The following EHD1 variants were observed in gnomAD, a reference collection of about 807,000 sequenced individuals.
EHD1 encodes the protein EH domain containing 1, also known as EH domain-containing protein 1.
Under a neutral mutation model 39.0 loss-of-function variants are expected in EHD1, and 19 were observed. The ratio of observed to expected loss-of-function variants is 0.49; its 90% confidence interval spans 0.34 to 0.72. EHD1 has a LOEUF of 0.72. EHD1 is among the 30% of genes least tolerant of loss of function. The pLI, the probability that EHD1 is intolerant of heterozygous loss-of-function variation, is 0.01. For synonymous variants in EHD1, 323 were observed against 331.2 expected (o/e 0.98, Z 0.27); for missense variants, 542 against 751.5 (o/e 0.72, Z 3.26).
intron 2 of EHD1, among the ~76,000 whole-genome samples, chr11:64,866,493 G>C (rs897788346): frequency 1.3e-5 from 2 of 152,058 alleles, no homozygotes; most frequent in African/African-American, 4.8e-5. Context: ...TCCAGCCTGG[G>C]TAACATAGCG....
At chr11:64,855,005 C>G (rs1351546913) in intron 4 of EHD1, 148 bp from the exon 5 acceptor site, 2 of 1,047,062 alleles carry the variant, frequency 1.9e-6, no homozygotes, top group Non-Finnish European at 2.8e-6. Context: ...TGGCCCTTGG[C>G]TCTCTAACCT....
Position 64,878,542 on chromosome 11 carries a change from GC to G in EHD1, c.-79del. ...GGCGAGGGTGCGGAGCCGAGGCGGG[GC>G]CGGCCGGGGCAGGGAATCGGGAGCG... On this transcript the variant is annotated 5_prime_UTR_variant, in exon 1 of 5. Transcript: ENST00000320631. 6.8e-7 allele frequency: 1 copy of G among 1,480,210 alleles called. No homozygotes were observed. Among genetic ancestry groups the G allele is most frequent in the Non-Finnish European group, 8.9e-7 (1 of 1,119,312 alleles). 91.7% of individuals were successfully genotyped at this position (1,480,210 alleles called of 1,614,324 possible). A position where few individuals can be genotyped will look rare whatever the true frequency, so the allele number is the denominator to read the frequency against.
chr11:64,873,498 G>A (rs1362656048), intron 2 of EHD1, among the ~76,000 whole-genome samples: 2 of 152,116 alleles, frequency 1.3e-5, no homozygotes, highest in East Asian at 1.9e-4. Context: ...TGATCCTGTT[G>A]TTTCCAGCAT....
At chr11:64,878,668 T>A, upstream of EHD1, 1 of 1,278,460 alleles carries the variant, frequency 7.8e-7, no homozygotes, top group South Asian at 1.9e-5. Context: ...GGTCCCTCAG[T>A]GGCGGCTAGC....
At chr11:64,874,967 C>T (rs1217954878) in intron 1 of EHD1, among the ~76,000 whole-genome samples, 1 of 152,230 alleles carries the variant, frequency 6.6e-6, no homozygotes, top group Non-Finnish European at 1.5e-5. Context: ...GCCAGCCCTG[C>T]CCTTTCAACC....
rs143108927 is a variant in EHD1 at position 64,859,968 on chromosome 11, G to C, written c.871C>G (p.Leu291Val). The C allele has an allele frequency of 2.5e-6, 4 of 1,613,710 alleles. No individual in the cohort carries two copies. The African/African-American group carries it at 4.0e-5, about 16-fold the overall frequency. The change falls in exon 3 of 5, where the codon CTC (leucine) becomes GTC (valine). Residue 291 changes from leucine to valine, a missense_variant. Physicochemically the swap from Leu to Val is conservative, Grantham distance 32 (BLOSUM62 1). Transcript: ENST00000320631. ...TTGATCAGGTCATTGAGCTTCCTGA[G>C]GGCGGCGTTTCGGGGCAGTGACTGG... ...DIQSLPRNAA[L>V]RKLNDLIKRA...
chr11:64,855,402 T>G lies in EHD1; in HGVS notation c.1000A>C (p.Asn334His). The G allele has an allele frequency of 1.2e-6, 2 of 1,614,122 alleles. No individual in the cohort carries two copies. The highest frequency in any genetic ancestry group is 1.7e-6 in the Non-Finnish European group (2 of 1,179,998). ...KESKKKELVN[N>H]LGEIYQKIER... ...ATCTTCTGGTAGATCTCTCCGAGGTTGTTCACCAGCTCTTTCTTTTTGCTC... is the reference window on the plus strand; with the variant it reads ...ATCTTCTGGTAGATCTCTCCGAGGTGGTTCACCAGCTCTTTCTTTTTGCTC... The change falls in exon 4 of 5, where the codon AAC (asparagine) becomes CAC (histidine). Residue 334 changes from asparagine (N) to histidine (H), a missense_variant. Coordinates refer to ENST00000320631, the MANE Select transcript of EHD1 (RefSeq NM_006795.4).
At chr11:64,863,585 C>G (rs1335472523) in intron 2 of EHD1, among the ~76,000 whole-genome samples, 1 of 152,236 alleles carries the variant, frequency 6.6e-6, no homozygotes, top group East Asian at 1.9e-4. Flanking sequence ...ATAAATGGCA[C>G]CACAGGGTGT....
chr11:64,855,102 G>A, intron 4 of EHD1: 1 of 879,502 alleles, frequency 1.1e-6, no homozygotes. Flanking sequence ...GCATGGCCCT[G>A]CCCTCCCCCC....
chr11:64,860,447 C>T, intron 2 of EHD1, 111 bp from the exon 3 acceptor site: 1 of 1,409,522 alleles, frequency 7.1e-7, no homozygotes, highest in Non-Finnish European at 9.4e-7. Flanking sequence ...TTTTAAAATT[C>T]CTATAGGCCG....
chr11:64,878,683 C>T, upstream of EHD1: 3 of 1,353,384 alleles, frequency 2.2e-6, no homozygotes, highest in Non-Finnish European at 2.8e-6. Context: ...GCTAGCGCCG[C>T]CGCGGCGGGG....
chr11:64,874,634 G>T, intron 1 of EHD1, 116 bp from the exon 2 acceptor site: 1 of 815,858 alleles, frequency 1.2e-6, no homozygotes, highest in Non-Finnish European at 1.8e-6. Flanking sequence ...CTCCAGCAGC[G>T]GGGAACTGAC....
rs559952501 is a variant in EHD1, at chr11:64,868,065, C to G, written c.502+6356G>C. Among the ~76,000 whole-genome samples the G allele has an allele frequency of 2.2e-3, 342 of 152,346 alleles. 1 individual carries two copies. Among genetic ancestry groups the G allele is most frequent in the Non-Finnish European group, 3.8e-3 (259 of 68,034 alleles). ...GAAGAGGGAGGTTCTCAGGCCTCCCCGCCCTACCCCAGCAGCCTCCAAAAC... is the reference window on the plus strand; with the variant it reads ...GAAGAGGGAGGTTCTCAGGCCTCCCGGCCCTACCCCAGCAGCCTCCAAAAC... On this transcript the variant is annotated intron_variant, in intron 2 of 4. Coordinates refer to ENST00000320631, the MANE Select transcript of EHD1 (RefSeq NM_006795.4). The surrounding 1 kb of genome is among the most constrained non-coding windows in gnomAD (Gnocchi z 4.2).
chr11:64,879,105 C>A, upstream of EHD1: 3 of 1,000,232 alleles, frequency 3.0e-6, no homozygotes, highest in Non-Finnish European at 3.6e-6. Flanking sequence ...GCACCTCCTC[C>A]TCTCAGCCCA....
At position 64,854,327 on chromosome 11, in the gene EHD1, G is replaced by T. The variant is rs1355101154; in HGVS notation, c.*6C>A. On this transcript the variant is annotated 3_prime_UTR_variant, in exon 5 of 5. Coordinates refer to ENST00000320631, the MANE Select transcript of EHD1 (RefSeq NM_006795.4). Reference sequence around the variant, plus strand: ...GTGCAAATGGCAGGTGCGGGGCCGGGCGCCATCACTCATGTCTGCGCTTGG... The same window carrying T: ...GTGCAAATGGCAGGTGCGGGGCCGGTCGCCATCACTCATGTCTGCGCTTGG... 8.8e-6 allele frequency: 14 copies of T among 1,596,230 alleles called. No individual in the cohort carries two copies. The highest frequency in any genetic ancestry group is 1.3e-5 in the African/African-American group (1 of 74,832).
chr11:64,870,654 C>T (rs1194583294), intron 2 of EHD1, among the ~76,000 whole-genome samples: 1 of 152,214 alleles, frequency 6.6e-6, no homozygotes, highest in African/African-American at 2.4e-5. Context: ...TGGTGGGGAA[C>T]GAACGAACTG....
Position 64,854,026 on chromosome 11 carries a change from A to C in EHD1, c.*307T>G. The C allele has an allele frequency of 2.1e-6, 1 of 468,862 alleles. No individual in the cohort carries two copies. 29.0% of individuals were successfully genotyped at this position (468,862 alleles called of 1,614,324 possible). A position where few individuals can be genotyped will look rare whatever the true frequency, so the allele number is the denominator to read the frequency against. ...GCACTGTCCAGCTCCAGCCACAGCA[A>C]AGGCCGGGGGGCAGAGGCCGTGCAC... On this transcript the variant is annotated 3_prime_UTR_variant, in exon 5 of 5. Coordinates refer to ENST00000320631, the MANE Select transcript of EHD1 (RefSeq NM_006795.4).
chr11:64,858,277 G>A (rs1012411953), intron 3 of EHD1, among the ~76,000 whole-genome samples: 2 of 151,150 alleles, frequency 1.3e-5, no homozygotes, highest in Admixed American at 6.6e-5. Flanking sequence ...TCCCTCCTGG[G>A]TTCAAGTGAT....
intron 2 of EHD1, among the ~76,000 whole-genome samples, chr11:64,873,220 C>T (rs1207796657): frequency 6.6e-6 from 1 of 152,236 alleles, no homozygotes; most frequent in East Asian, 1.9e-4. Flanking sequence ...GCACGGTGCA[C>T]TACTGCATAG....
Sources: allele counts gnomAD v4.1 joint callset (sites outside exome capture counted in the v4.1 genomes callset), GRCh38; gene constraint gnomAD v4.1.1; non-coding constraint Gnocchi (gnomAD v3.1); transcripts MANE v1.5; gene names NCBI Gene and HGNC (gene_info 2026-07-23, HGNC 2026-07-21).